The following GCNT1 variants were observed in gnomAD, a reference collection of about 807,000 sequenced individuals.
GCNT1 encodes the protein beta-1,3-galactosyl-O-glycosyl-glycoprotein beta-1,6-N-acetylglucosaminyltransferase.
GCNT1 carries 16 observed loss-of-function variants against 26.2 expected under a neutral mutation model. The ratio of observed to expected loss-of-function variants is 0.61; its 90% CI spans 0.41 to 0.93. The LOEUF is 0.93. GCNT1 is among the 40% of genes least tolerant of loss of function. GCNT1 has a pLI of 0.00. For synonymous variants in GCNT1, 183 were observed against 190.8 expected (o/e 0.96, Z 0.34); for missense variants, 477 against 526.7 (o/e 0.91, Z 0.92).
chr9:76,440,547 G>T (rs1823470496), upstream of GCNT1, among the ~76,000 whole-genome samples: 1 of 152,156 alleles, frequency 6.6e-6, no homozygotes, highest in Non-Finnish European at 1.5e-5. Context: ...GTGTCCCCCT[G>T]CCCTGTGTGG....
At chr9:76,481,037 G>T (rs1234534065) in intron 2 of GCNT1, among the ~76,000 whole-genome samples, 1 of 151,982 alleles carries the variant, frequency 6.6e-6, no homozygotes, top group East Asian at 1.9e-4. Flanking sequence ...CCAGGAGTTC[G>T]AAACCAGCCT....
At chr9:76,490,777 TTATCACTTACTGAA>T (rs1264440937) in intron 2 of GCNT1, among the ~76,000 whole-genome samples, 1 of 152,260 alleles carries the variant, frequency 6.6e-6, no homozygotes, top group Non-Finnish European at 1.5e-5. Flanking sequence ...AAGAGTTTTC[TTATCACTTACTGAA>T]TACCCATTGT....
At chr9:76,466,432 G>C (rs1429932161) in intron 2 of GCNT1, among the ~76,000 whole-genome samples, 1 of 152,152 alleles carries the variant, frequency 6.6e-6, no homozygotes, top group Non-Finnish European at 1.5e-5. Context: ...CCTTCAAGTA[G>C]CACCAAGGGT....
chr9:76,486,722 T>G (rs1275467114), intron 2 of GCNT1, among the ~76,000 whole-genome samples: 1 of 152,212 alleles, frequency 6.6e-6, no homozygotes, highest in Non-Finnish European at 1.5e-5. Context: ...TTAGATATCT[T>G]CAGTTCCTGC....
chr9:76,487,243 A>G (rs544649001), intron 2 of GCNT1, among the ~76,000 whole-genome samples: 3 of 152,234 alleles, frequency 2.0e-5, no homozygotes, highest in South Asian at 4.2e-4. Context: ...CCCTTGACCT[A>G]CCTTGGGTGG....
Position 76,505,104 on chromosome 9 carries a change from G to A in GCNT1, c.*1436G>A. 1 of 411,906 alleles carries A rather than the reference G, an allele frequency of 2.4e-6. No individual in the cohort carries two copies. 25.5% of individuals were successfully genotyped at this position (411,906 alleles called of 1,614,324 possible). A position where few individuals can be genotyped will look rare whatever the true frequency, so the allele number is the denominator to read the frequency against. ...GCAAACAAGCTACCAGGAACTGTGA[G>A]GCTTTGTCATTTAGCATTAGACTTT... On this transcript the variant is annotated 3_prime_UTR_variant, in exon 4 of 4. Coordinates refer to ENST00000376730, the MANE Select transcript of GCNT1 (RefSeq NM_001490.5).
intron 1 of GCNT1, among the ~76,000 whole-genome samples, chr9:76,449,211 T>C (rs1823624775): frequency 6.6e-6 from 1 of 151,852 alleles, no homozygotes; most frequent in South Asian, 2.1e-4. Context: ...TGTGTACCTG[T>C]AGTCCTAGCT....
At chr9:76,471,146 C>T (rs1564235438) in intron 2 of GCNT1, among the ~76,000 whole-genome samples, 1 of 152,198 alleles carries the variant, frequency 6.6e-6, no homozygotes, top group Non-Finnish European at 1.5e-5. Context: ...AATCCTGAAG[C>T]ACATGCTATA....
At chr9:76,431,843 C>G (rs911395557) in intron 1 of GCNT1, among the ~76,000 whole-genome samples, 1 of 152,186 alleles carries the variant, frequency 6.6e-6, no homozygotes, top group African/African-American at 2.4e-5. Flanking sequence ...GCCACGTTGG[C>G]TCATGCCTGT....
In GCNT1 at chr9:76,491,119, C is replaced by G. The variant is rs1433601969; in HGVS notation, c.-289-9797C>G. 2.7e-5 allele frequency among the ~76,000 whole-genome samples: 4 copies of G among 149,626 alleles called. No homozygotes were observed. The East Asian group carries it at 7.7e-4, about 29-fold the overall frequency. ...TCTCTTTCTTTCTCTTTGACTTCTT[C>G]TTTGTCTCTCTCTTTTTGACTCCCT... On this transcript the variant is annotated intron_variant, in intron 2 of 3. Coordinates refer to ENST00000376730, the MANE Select transcript of GCNT1 (RefSeq NM_001490.5).
intron 3 of GCNT1, among the ~76,000 whole-genome samples, chr9:76,501,358 C>T (rs10114028): frequency 0.39 from 59,070 of 151,964 alleles, 11,940 homozygotes; most frequent in East Asian, 0.63. Flanking sequence ...GTAAGCATTT[C>T]ATATAGTAAA....
In GCNT1 at chr9:76,479,936, G is replaced by A. The variant is rs1162765170; in HGVS notation, c.-290+19759G>A. On this transcript the variant is annotated intron_variant, in intron 2 of 3. Transcript: ENST00000376730. The stretch of plus-strand genomic sequence containing the variant: ...AGACATGAAGTCCTTGCCCATGCCT[G>A]TGTCCTGAATGGTATTGCCTAGGTT... Among the ~76,000 whole-genome samples the A allele has an allele frequency of 3.9e-5, 6 of 152,112 alleles. No individual in the cohort carries two copies. In the East Asian group the frequency reaches 5.8e-4, roughly 15 times the overall value.
chr9:76,437,281 G>A (rs991873117), upstream of GCNT1, among the ~76,000 whole-genome samples: 4 of 152,122 alleles, frequency 2.6e-5, no homozygotes, highest in African/African-American at 9.7e-5. Flanking sequence ...CACAGGATGA[G>A]CTGGGAGGTC....
At chr9:76,408,737 G>A in the GCNT1 span, among the ~76,000 whole-genome samples, 1 of 151,962 alleles carries the variant, frequency 6.6e-6, no homozygotes. Flanking sequence ...CCAGGCTATA[G>A]TGTAGAGTGG....
the GCNT1 span, among the ~76,000 whole-genome samples, chr9:76,405,470 C>T: frequency 0.23 from 34,709 of 152,076 alleles, 4,710 homozygotes; most frequent in East Asian, 0.59. Context: ...CAAAGGAATA[C>T]CGACTTGTAT....
intron 2 of GCNT1, among the ~76,000 whole-genome samples, chr9:76,474,160 C>A (rs1242994351): frequency 6.6e-6 from 1 of 152,012 alleles, no homozygotes; most frequent in Non-Finnish European, 1.5e-5. Flanking sequence ...CAAAGTGAAA[C>A]CTTGATGATG....
At chr9:76,403,936 C>T in the GCNT1 span, among the ~76,000 whole-genome samples, 1 of 152,062 alleles carries the variant, frequency 6.6e-6, no homozygotes, top group Non-Finnish European at 1.5e-5. Context: ...ATTTCTGAGA[C>T]GAAGAAGAAG....
chr9:76,401,461 T>C, the GCNT1 span, among the ~76,000 whole-genome samples: 2 of 152,180 alleles, frequency 1.3e-5, no homozygotes, highest in African/African-American at 4.8e-5. Flanking sequence ...CACAAATGTA[T>C]TTGTGGTTCA....
At chr9:76,407,209 G>A in the GCNT1 span, among the ~76,000 whole-genome samples, 10 of 150,840 alleles carry the variant, frequency 6.6e-5, no homozygotes, top group Non-Finnish European at 1.0e-4. Context: ...CTACTGCACT[G>A]CATTTACACT....
Sources: allele counts gnomAD v4.1 joint callset (sites outside exome capture counted in the v4.1 genomes callset), GRCh38; gene constraint gnomAD v4.1.1; transcripts MANE v1.5; gene names NCBI Gene and HGNC (gene_info 2026-07-23, HGNC 2026-07-21).